SDK2: variants seen among roughly 807,000 people sequenced by gnomAD.
The protein encoded by SDK2 is sidekick cell adhesion molecule 2.
A neutral mutation model predicts 253.9 loss-of-function variants in SDK2; 105 were observed. The observed-to-expected ratio is 0.41, with a 90% CI of 0.35 to 0.49. SDK2 has a LOEUF of 0.49. Ranked by LOEUF, SDK2 falls within the 20% of genes least tolerant of loss-of-function variation. The pLI is 0.06. For missense variants in SDK2, 2,608 were observed against 3,003.0 expected (o/e 0.87, Z 3.07); for synonymous variants, 1,249 against 1,234.9 (o/e 1.01, Z -0.24).
In SDK2 at chr17:73,405,467, CATATAT is replaced by C. The variant is rs1166184210; in HGVS notation, c.2485-3332_2485-3327del. Among the ~76,000 whole-genome samples the C allele has an allele frequency of 4.1e-3, 25 of 6,036 alleles. 1 individual carries two copies. Among genetic ancestry groups the C allele is most frequent in the African/African-American group, 0.018 (25 of 1,364 alleles). 4.0% of individuals were successfully genotyped at this position (6,036 alleles called of 152,430 possible). Reference sequence around the variant, plus strand: ...AAAAAAAAAAAAACAAACAAAAAACCATATATATATATATATATATATATATATATA... The same window carrying C: ...AAAAAAAAAAAAACAAACAAAAAACCATATATATATATATATATATATATA... On this transcript the variant is annotated intron_variant, in intron 18 of 44. Coordinates refer to ENST00000392650, the MANE Select transcript of SDK2 (RefSeq NM_001144952.2).
intron 36 of SDK2, among the ~76,000 whole-genome samples, chr17:73,374,471 A>AT (rs59277247): frequency 0.044 from 5,819 of 131,438 alleles, 352 homozygotes; most frequent in Non-Finnish European, 0.066. Context: ...TTTGTCGGTA[A>AT]TTTTTTTTTT....
intron 31 of SDK2, 65 bp from the exon 32 acceptor site, chr17:73,385,982 G>A (rs2062868969): frequency 3.2e-6 from 4 of 1,236,112 alleles, no homozygotes; most frequent in Non-Finnish European, 4.6e-6. Flanking sequence ...GGAGCCCACT[G>A]AGACCAGATT....
At chr17:73,410,023 T>A (rs1030704889) in intron 18 of SDK2, among the ~76,000 whole-genome samples, 2 of 152,144 alleles carry the variant, frequency 1.3e-5, no homozygotes, top group African/African-American at 4.8e-5. Flanking sequence ...CCTGACTAAC[T>A]TTTTTGTGTG....
chr17:73,389,976 T>C (rs139320844), intron 29 of SDK2, among the ~76,000 whole-genome samples: 7,609 of 147,782 alleles, frequency 0.051, 556 homozygotes, highest in African/African-American at 0.18. Context: ...CTCAAACTCC[T>C]GACCTCAAGT....
intron 1 of SDK2, chr17:73,520,142 G>A (rs531429528): frequency 6.6e-6 from 1 of 152,368 alleles, no homozygotes; most frequent in African/African-American, 2.4e-5. Flanking sequence ...CCACACACAC[G>A]CGGCCTCCTC....
At chr17:73,634,466 T>C (rs1209036986) in intron 1 of SDK2, among the ~76,000 whole-genome samples, 2 of 152,248 alleles carry the variant, frequency 1.3e-5, no homozygotes, top group African/African-American at 4.8e-5. Context: ...GCAAATGCGA[T>C]GTCTATGAAA....
chr17:73,363,738 G>A (rs1297976733), intron 38 of SDK2, among the ~76,000 whole-genome samples: 2 of 152,124 alleles, frequency 1.3e-5, no homozygotes, highest in Non-Finnish European at 2.9e-5. Context: ...AAGGCAAAGA[G>A]CTCACATCCT....
intron 1 of SDK2, among the ~76,000 whole-genome samples, chr17:73,630,095 G>A (rs1599738768): frequency 2.0e-5 from 3 of 152,128 alleles, no homozygotes; most frequent in African/African-American, 4.8e-5. Context: ...GAGTCCATGG[G>A]CAGAAGTAGC....
In SDK2 at chr17:73,416,199, A is replaced by ATTTTTT. The variant is rs55713710; in HGVS notation, c.2187-213_2187-208dup. Among the ~76,000 whole-genome samples, 181 of 120,306 alleles carry ATTTTTT rather than the reference A, an allele frequency of 1.5e-3. 26 individuals are homozygous for ATTTTTT. Among genetic ancestry groups the ATTTTTT allele is most frequent in the Middle Eastern group, 4.7e-3 (1 of 212 alleles). The allele number at this position is 120,306 out of a possible 152,430, so 78.9% of individuals were successfully genotyped here. A position where few individuals can be genotyped will look rare whatever the true frequency, so the allele number is the denominator to read the frequency against. On this transcript the variant is annotated intron_variant, in intron 16 of 44. Coordinates refer to ENST00000392650, the MANE Select transcript of SDK2 (RefSeq NM_001144952.2). ...TAGTGCAACCGAAGAAATGAATTCA[A>ATTTTTT]TTTTTTTTTTTTTTTGAGACGGAGT...
At chr17:73,368,802 G>A (rs2062709115) in intron 36 of SDK2, among the ~76,000 whole-genome samples, 1 of 152,140 alleles carries the variant, frequency 6.6e-6, no homozygotes, top group African/African-American at 2.4e-5. Flanking sequence ...TTGAGGCCAG[G>A]AGTTCAAGAC....
intron 1 of SDK2, among the ~76,000 whole-genome samples, chr17:73,577,671 T>G (rs2045475564): frequency 6.6e-6 from 1 of 152,218 alleles, no homozygotes; most frequent in Non-Finnish European, 1.5e-5. Flanking sequence ...GCGTGAATCC[T>G]GCTCCTCCCT....
At chr17:73,345,905 G>A (rs1022379624) in intron 44 of SDK2, among the ~76,000 whole-genome samples, 1 of 152,052 alleles carries the variant, frequency 6.6e-6, no homozygotes, top group Non-Finnish European at 1.5e-5. Context: ...ATAATAAATA[G>A]TACAGAAAAT....
intron 40 of SDK2, among the ~76,000 whole-genome samples, chr17:73,354,035 G>T (rs935084902): frequency 2.0e-5 from 3 of 151,986 alleles, no homozygotes; most frequent in Non-Finnish European, 4.4e-5. Context: ...CTGCAGGAAA[G>T]ATTTGGTTTT....
chr17:73,375,962 G>T (rs2066512442), intron 36 of SDK2, among the ~76,000 whole-genome samples: 1 of 151,774 alleles, frequency 6.6e-6, no homozygotes, highest in Admixed American at 6.6e-5. Context: ...TTGGGAGGCC[G>T]AGGTGGGTGG....
In SDK2 at chr17:73,455,948, G is replaced by T; in HGVS notation, c.437C>A (p.Thr146Asn). Residue 146 changes from threonine to asparagine, a missense_variant, in exon 4 of 45, where the codon ACC (threonine) becomes AAC (asparagine). By Grantham distance (65) the Thr-to-Asn change is moderately conservative (BLOSUM62 0). Around this residue, in one of 2 missense-constraint regions of SDK2, gnomAD observed 1,505 missense variants for 1,859.1 expected, o/e 0.81. Transcript: ENST00000392650. This position sits in a 1 kb window ranked among gnomAD's most constrained non-coding sequence, Gnocchi z 5.0. ...RIASFPQPQVTWFRDGRKIPP... is the reference protein window; with the variant it reads ...RIASFPQPQVNWFRDGRKIPP... ...GATCTTGCGGCCGTCCCGGAACCAG[G>T]TCACCTGTGGCTGGGGGAAGCTGGC... The T allele has an allele frequency of 6.5e-7, 1 of 1,548,042 alleles. No individual in the cohort carries two copies. The highest frequency in any genetic ancestry group is 8.7e-7 in the Non-Finnish European group (1 of 1,146,438).
intron 12 of SDK2, among the ~76,000 whole-genome samples, chr17:73,427,938 T>C (rs1288115418): frequency 6.6e-6 from 1 of 152,204 alleles, no homozygotes; most frequent in Non-Finnish European, 1.5e-5. Context: ...AGAAAATATT[T>C]GTAAACGATA....
Position 73,455,871 on chromosome 17 carries a change from C to T in SDK2, c.479+35G>A. The stretch of plus-strand genomic sequence containing the variant: ...CCCAAACCTCCTCCCCCAGACACCC[C>T]TCCCCTCCCCGTCCCCTCAGAGCGA... On this transcript the variant is annotated intron_variant, in intron 4 of 44. Transcript: ENST00000392650. The surrounding 1 kb of genome is among the most constrained non-coding windows in gnomAD (Gnocchi z 5.0). 2.6e-6 allele frequency: 4 copies of T among 1,514,206 alleles called. No individual in the cohort carries two copies. The highest frequency in any genetic ancestry group is 3.5e-6 in the Non-Finnish European group (4 of 1,131,590). 93.8% of individuals were successfully genotyped at this position (1,514,206 alleles called of 1,614,324 possible). A position where few individuals can be genotyped will look rare whatever the true frequency, so the allele number is the denominator to read the frequency against.
intron 1 of SDK2, among the ~76,000 whole-genome samples, chr17:73,578,939 A>G (rs961155853): frequency 6.6e-6 from 1 of 151,892 alleles, no homozygotes; most frequent in Admixed American, 6.6e-5. Context: ...TCTGTCCCAG[A>G]CCAAGCTCCC....
At chr17:73,597,648 T>C (rs1318656582) in intron 1 of SDK2, among the ~76,000 whole-genome samples, 1 of 143,140 alleles carries the variant, frequency 7.0e-6, no homozygotes, top group East Asian at 1.9e-4. Flanking sequence ...TATTTTCTTT[T>C]CTTTTTTTTT....
Sources: gnomAD v4.1 joint callset for allele counts (sites outside exome capture counted in the v4.1 genomes callset) on GRCh38, gnomAD v4.1.1 for gene constraint, gnomAD v4.1.1 regional missense constraint, Gnocchi (gnomAD v3.1) non-coding constraint, MANE v1.5 for transcripts, NCBI Gene and HGNC (gene_info 2026-07-23, HGNC 2026-07-21) for gene names.